The following DOCK2 variants were observed in gnomAD, a reference collection of about 807,000 sequenced individuals.
The protein encoded by DOCK2 is dedicator of cytokinesis 2.
Under a neutral mutation model 248.9 loss-of-function variants are expected in DOCK2, and 87 were observed. That is an observed-to-expected ratio of 0.35 (90% confidence interval 0.29 to 0.42). The LOEUF (loss-of-function observed/expected upper bound fraction) is 0.42, where lower values mean the gene tolerates loss of function less well. DOCK2 is among the 10% of genes least tolerant of loss of function. The pLI, the probability that DOCK2 is intolerant of heterozygous loss-of-function variation, is 1.00. For synonymous variants in DOCK2, 805 were observed against 821.6 expected, an observed-to-expected ratio of 0.98 and a Z score of 0.35; for missense variants, 1,747 against 2,300.2, an observed-to-expected ratio of 0.76 and a Z score of 4.92.
Position 170,027,781 on chromosome 5 carries a change from CTTTGGTTGAAATAA to C in DOCK2, c.3382-80_3382-67del, listed in dbSNP as rs1755971964. ...GGGAGATAAAGAGTGCTCCCTAAAG[CTTTGGTTGAAATAA>C]TGAATTGACTAATTTCAGCCCTCAG... is the stretch of plus-strand genomic sequence containing the variant. On this transcript the variant is annotated intron_variant, in intron 33 of 51. Transcript: ENST00000520908. The C allele has an allele frequency of 8.2e-6, 11 of 1,343,876 alleles. No homozygotes were observed. In the South Asian group the frequency reaches 1.3e-4, roughly 16 times the overall value. 83.2% of individuals were successfully genotyped at this position (1,343,876 alleles called of 1,614,324 possible).
At chr5:169,730,570 G>T in intron 22 of DOCK2, among the ~76,000 whole-genome samples, 1 of 152,182 alleles carries the variant, frequency 6.6e-6, no homozygotes, top group East Asian at 1.9e-4. Context: ...AGAAGGGTTT[G>T]TGTCATGGAC....
intron 5 of DOCK2, among the ~76,000 whole-genome samples, chr5:169,672,243 A>G (rs1474931446): frequency 6.6e-6 from 1 of 152,070 alleles, no homozygotes; most frequent in Non-Finnish European, 1.5e-5. Context: ...CCTGACCTCA[A>G]GTGATCCACC....
chr5:170,016,246 A>G (rs936945426), intron 32 of DOCK2, among the ~76,000 whole-genome samples: 1 of 152,232 alleles, frequency 6.6e-6, no homozygotes, highest in African/African-American at 2.4e-5. Flanking sequence ...CTTCAATTAC[A>G]TGAAAAAGAC....
intron 26 of DOCK2, among the ~76,000 whole-genome samples, chr5:169,833,314 A>T (rs1282186977): frequency 6.6e-6 from 1 of 152,210 alleles, no homozygotes; most frequent in Non-Finnish European, 1.5e-5. Context: ...TAAAGATGGT[A>T]AATTAAAATA....
intron 1 of DOCK2, among the ~76,000 whole-genome samples, chr5:169,641,067 C>T (rs762871943): frequency 3.3e-5 from 5 of 152,192 alleles, no homozygotes; most frequent in South Asian, 4.1e-4. Context: ...TTGCCTTGAT[C>T]GCTGCCTCCA....
chr5:169,875,675 A>G (rs1435753423), intron 27 of DOCK2: 4 of 175,824 alleles, frequency 2.3e-5, no homozygotes, highest in African/African-American at 9.5e-5. Context: ...ACATGGGGGT[A>G]CTTTAATCAA....
intron 26 of DOCK2, among the ~76,000 whole-genome samples, chr5:169,831,433 A>C (rs1327976003): frequency 6.6e-6 from 1 of 152,240 alleles, no homozygotes; most frequent in Non-Finnish European, 1.5e-5. Context: ...AGCTGTGCAC[A>C]CAACTGTTTG....
chr5:169,932,465 G>A (rs1039373943), intron 27 of DOCK2, among the ~76,000 whole-genome samples: 1 of 152,180 alleles, frequency 6.6e-6, no homozygotes, highest in African/African-American at 2.4e-5. Flanking sequence ...GGGAGGCTTT[G>A]GAGATCTCTC....
chr5:169,827,766 A>C (rs995978075), intron 26 of DOCK2, among the ~76,000 whole-genome samples: 1 of 152,240 alleles, frequency 6.6e-6, no homozygotes, highest in African/African-American at 2.4e-5. Context: ...AAGGGAGCAC[A>C]CAGCCTAAGC....
chr5:169,821,967 T>A (rs1768477292), intron 26 of DOCK2, among the ~76,000 whole-genome samples: 1 of 151,732 alleles, frequency 6.6e-6, no homozygotes, highest in African/African-American at 2.4e-5. Context: ...GAGGTTGCAA[T>A]CCTAGTCTCT....
At chr5:169,656,392 C>T (rs1183359305) in intron 2 of DOCK2, among the ~76,000 whole-genome samples, 6 of 151,470 alleles carry the variant, frequency 4.0e-5, no homozygotes, top group Admixed American at 1.3e-4. Flanking sequence ...GATGCGATCT[C>T]GGCTCACTGC....
chr5:169,945,152 G>C (rs1776394811), intron 27 of DOCK2, among the ~76,000 whole-genome samples: 1 of 152,204 alleles, frequency 6.6e-6, no homozygotes, highest in Non-Finnish European at 1.5e-5. Flanking sequence ...CTCTGACATG[G>C]TTAAAAAGGT....
chr5:169,760,762 A>G (rs1423598323), intron 24 of DOCK2, among the ~76,000 whole-genome samples: 1 of 152,158 alleles, frequency 6.6e-6, no homozygotes, highest in Non-Finnish European at 1.5e-5. Context: ...ATTAGAATGT[A>G]AGTTCCATGC....
At chr5:170,002,952 T>A (rs911403276) in intron 30 of DOCK2, among the ~76,000 whole-genome samples, 2 of 152,154 alleles carry the variant, frequency 1.3e-5, no homozygotes, top group African/African-American at 4.8e-5. Flanking sequence ...CTGGGACCCT[T>A]TGAAGAATTT....
intron 49 of DOCK2, 70 bp downstream of exon 49, chr5:170,079,216 C>G (rs1024445831): frequency 1.9e-6 from 3 of 1,540,270 alleles, no homozygotes; most frequent in Non-Finnish European, 2.6e-6. Flanking sequence ...GGCACAAAAC[C>G]CAGGGCTTCC....
At chr5:169,977,958 G>C (rs4867578) in intron 27 of DOCK2, among the ~76,000 whole-genome samples, 4 of 152,164 alleles carry the variant, frequency 2.6e-5, no homozygotes, top group Non-Finnish European at 2.9e-5. Context: ...GGGGTGAATA[G>C]AGAAGCAACC....
intron 20 of DOCK2, among the ~76,000 whole-genome samples, chr5:169,717,067 C>T (rs1761950181): frequency 6.6e-6 from 1 of 152,008 alleles, no homozygotes; most frequent in African/African-American, 2.4e-5. Context: ...GTTGCATGAC[C>T]CTTTTAGAGA....
chr5:169,749,636 G>T (rs1307186530), intron 23 of DOCK2, among the ~76,000 whole-genome samples: 1 of 152,102 alleles, frequency 6.6e-6, no homozygotes, highest in South Asian at 2.1e-4. Context: ...AAGTGGGATG[G>T]CTCAGATTCA....
intron 8 of DOCK2, 139 bp downstream of exon 8, chr5:169,684,489 C>G: frequency 8.3e-7 from 1 of 1,199,614 alleles, no homozygotes; most frequent in Admixed American, 2.5e-5. Flanking sequence ...GAAATAACTT[C>G]TTTGGAGGTT....
Sources: allele counts gnomAD v4.1 joint callset (sites outside exome capture counted in the v4.1 genomes callset), GRCh38; gene constraint gnomAD v4.1.1; transcripts MANE v1.5; gene names NCBI Gene and HGNC (gene_info 2026-07-23, HGNC 2026-07-21).